Variants in DAPK1 observed in about 807,000 individuals in gnomAD.
DAPK1 encodes the protein death-associated protein kinase 1.
Under a neutral mutation model 144.9 loss-of-function variants are expected in DAPK1, and 56 were observed. That is an observed-to-expected ratio of 0.39 (90% CI 0.31 to 0.48). The LOEUF is 0.48. DAPK1 is among the 20% of genes least tolerant of loss of function. The pLI is 0.95. For missense variants in DAPK1, 1,454 were observed against 1,875.4 expected, an observed-to-expected ratio of 0.78 and a Z score of 4.15; for synonymous variants, 690 against 749.0, an observed-to-expected ratio of 0.92 and a Z score of 1.29.
At chr9:87,651,045 A>G (rs1265746286) in intron 16 of DAPK1, among the ~76,000 whole-genome samples, 2 of 152,214 alleles carry the variant, frequency 1.3e-5, no homozygotes, top group African/African-American at 4.8e-5. Context: ...CATGGGATGC[A>G]GAGGTTACAC....
intron 24 of DAPK1, 37 bp downstream of exon 24, chr9:87,700,274 A>T: frequency 1.9e-6 from 3 of 1,580,752 alleles, no homozygotes; most frequent in Non-Finnish European, 2.6e-6. Context: ...ACCCCTTTGT[A>T]CTTCCTTCCT....
At chr9:87,632,655 C>A in intron 3 of DAPK1, 2 of 972,636 alleles carry the variant, frequency 2.1e-6, no homozygotes, top group Non-Finnish European at 1.2e-6. Flanking sequence ...AGGATGAGTA[C>A]CTGTGTAGAA....
chr9:87,700,357 A>G (rs1825417972), intron 24 of DAPK1, 120 bp downstream of exon 24: 3 of 724,946 alleles, frequency 4.1e-6, no homozygotes, highest in South Asian at 3.6e-5. Context: ...ACATGTCTTT[A>G]TCCTAGTGCC....
chr9:87,609,489 AT>A (rs535703656), intron 3 of DAPK1, among the ~76,000 whole-genome samples: 15 of 151,870 alleles, frequency 9.9e-5, no homozygotes, highest in South Asian at 2.1e-4. Context: ...GTGTGTTATA[AT>A]TTTTTTTCTT....
intron 3 of DAPK1, among the ~76,000 whole-genome samples, chr9:87,621,335 T>C (rs554272490): frequency 6.6e-6 from 1 of 152,150 alleles, no homozygotes; most frequent in Non-Finnish European, 1.5e-5. Flanking sequence ...CACACCCACA[T>C]CCCGTTTACA....
chr9:87,509,639 C>T (rs990763846), intron 2 of DAPK1, among the ~76,000 whole-genome samples: 2 of 152,208 alleles, frequency 1.3e-5, no homozygotes, highest in Non-Finnish European at 2.9e-5. Flanking sequence ...GGATTACAGG[C>T]GTGAGCCACC....
intron 2 of DAPK1, among the ~76,000 whole-genome samples, chr9:87,557,505 G>A (rs10780858): frequency 0.34 from 52,147 of 152,046 alleles, 9,294 homozygotes; most frequent in Middle Eastern, 0.51. Flanking sequence ...AATATTAAAT[G>A]GTCAGTAGCT....
At chr9:87,504,956 A>G (rs1375454281) in intron 2 of DAPK1, among the ~76,000 whole-genome samples, 1 of 152,236 alleles carries the variant, frequency 6.6e-6, no homozygotes, top group African/African-American at 2.4e-5. Context: ...GGTTGGTTGA[A>G]TCCATGGATG....
chr9:87,525,302 A>G (rs1306849486), intron 2 of DAPK1: 3 of 1,606,804 alleles, frequency 1.9e-6, no homozygotes, highest in East Asian at 4.5e-5. Context: ...TGAGAGCAAG[A>G]TGGGTCACCA....
At chr9:87,561,510 A>G (rs1005287821) in intron 2 of DAPK1, among the ~76,000 whole-genome samples, 1 of 148,102 alleles carries the variant, frequency 6.8e-6, no homozygotes, top group African/African-American at 2.5e-5. Flanking sequence ...TGGGCGACAG[A>G]GCGAGACTCC....
rs1435925401 is a variant in DAPK1 at position 87,590,383 on chromosome 9, AAAG to A, written c.63-14568_63-14566del. Among the ~76,000 whole-genome samples the A allele has an allele frequency of 7.2e-3, 1,073 of 148,356 alleles. 12 individuals are homozygous for A. The highest frequency in any genetic ancestry group is 0.026 in the African/African-American group (1,008 of 39,254). On this transcript the variant is annotated intron_variant, in intron 2 of 25. Transcript: ENST00000408954. Reference sequence around the variant, plus strand: ...ATCATTGGCCTCAAAAAAAAAAAAAAAAGAAAAGAAAAGAAAAGAAAAAGGAAG... The same window carrying A: ...ATCATTGGCCTCAAAAAAAAAAAAAAAAAAGAAAAGAAAAGAAAAAGGAAG...
chr9:87,531,095 T>C (rs1024101166), intron 2 of DAPK1, among the ~76,000 whole-genome samples: 2 of 151,968 alleles, frequency 1.3e-5, no homozygotes, highest in African/African-American at 2.4e-5. Context: ...TGAGAAGGGG[T>C]TAGGGGGAGA....
intron 2 of DAPK1, among the ~76,000 whole-genome samples, chr9:87,520,650 G>A (rs571798772): frequency 8.0e-4 from 122 of 152,300 alleles, no homozygotes; most frequent in African/African-American, 2.7e-3. Flanking sequence ...GAAGATAGGT[G>A]GGAAGTGGTT....
intron 2 of DAPK1, among the ~76,000 whole-genome samples, chr9:87,528,820 C>T (rs1457482555): frequency 6.8e-6 from 1 of 147,944 alleles, no homozygotes; most frequent in Admixed American, 6.9e-5. Flanking sequence ...TGCAGTGAAC[C>T]GAGATCGCGC....
At chr9:87,644,526 G>A (rs1587804353) in intron 11 of DAPK1, among the ~76,000 whole-genome samples, 1 of 151,996 alleles carries the variant, frequency 6.6e-6, no homozygotes, top group East Asian at 1.9e-4. Flanking sequence ...GGAGTGAAAT[G>A]GGATTGGAGA....
intron 3 of DAPK1, chr9:87,632,660 G>T (rs1829741123): frequency 1.1e-5 from 11 of 982,886 alleles, no homozygotes; most frequent in Non-Finnish European, 1.2e-5. Flanking sequence ...GAGTACCTGT[G>T]TAGAAATGAA....
chr9:87,686,612 C>G lies in DAPK1; in HGVS notation c.2286C>G (p.Ser762Arg). ...AGAACGTGAGTGTGAGGAGCCGCAG[C>G]ATGATGTTCGAGCCGGGTCTTACCA... ...GCENVSVRSR[S>R]MMFEPGLTKG... The change falls in exon 21 of 26, where the codon AGC becomes AGG. Residue 762 changes from serine to arginine, a missense_variant. Physicochemically the swap from Ser to Arg is moderately radical, Grantham distance 110 (BLOSUM62 -1). Around this residue, in one of 2 missense-constraint regions of DAPK1, gnomAD observed 1,025 missense variants for 1,237.9 expected, o/e 0.83. Transcript: ENST00000408954. This position sits in a 1 kb window ranked among gnomAD's most constrained non-coding sequence, Gnocchi z 4.2. 6.2e-7 allele frequency: 1 copy of G among 1,607,336 alleles called. No individual in the cohort carries two copies. Among genetic ancestry groups the G allele is most frequent in the Non-Finnish European group, 8.5e-7 (1 of 1,175,806 alleles).
intron 19 of DAPK1, among the ~76,000 whole-genome samples, chr9:87,679,737 A>G (rs1013048155): frequency 5.3e-5 from 8 of 152,274 alleles, no homozygotes; most frequent in Admixed American, 4.6e-4. Context: ...GTAGCGAACT[A>G]TTTCATTCTG....
intron 2 of DAPK1, among the ~76,000 whole-genome samples, chr9:87,597,710 T>G (rs1470272344): frequency 6.6e-6 from 1 of 152,196 alleles, no homozygotes; most frequent in Admixed American, 6.5e-5. Context: ...GAGCTGGGGC[T>G]GACATTGCTC....
Sources: allele counts gnomAD v4.1 joint callset (sites outside exome capture counted in the v4.1 genomes callset), GRCh38; gene constraint gnomAD v4.1.1; regional missense constraint gnomAD v4.1.1; non-coding constraint Gnocchi (gnomAD v3.1); transcripts MANE v1.5; gene names NCBI Gene and HGNC (gene_info 2026-07-23, HGNC 2026-07-21).